Variants in CREB5 observed in about 807,000 individuals in gnomAD.
The protein encoded by CREB5 is cAMP responsive element binding protein 5, also known as cyclic AMP-responsive element-binding protein 5.
In CREB5, 19 loss-of-function variants were observed where a neutral mutation model predicts 57.1. The observed-to-expected ratio is 0.33, with a 90% CI of 0.23 to 0.49. The LOEUF is 0.49. CREB5 is among the 20% of genes least tolerant of loss of function. The pLI is 0.99. For synonymous variants in CREB5, 238 were observed against 238.3 expected (o/e 1.00, Z 0.01); for missense variants, 579 against 671.6 (o/e 0.86, Z 1.52).
At chr7:28,748,328 G>T (rs914285742) in intron 7 of CREB5, among the ~76,000 whole-genome samples, 1 of 152,186 alleles carries the variant, frequency 6.6e-6, no homozygotes, top group African/African-American at 2.4e-5. Context: ...GCACATATAT[G>T]TGTAGGACTT....
chr7:28,672,448 A>G (rs746482907), intron 5 of CREB5, among the ~76,000 whole-genome samples: 3 of 145,216 alleles, frequency 2.1e-5, no homozygotes, highest in East Asian at 1.9e-4. Context: ...AGAACTGCAG[A>G]AAAAAAAAAT....
At chr7:28,489,403 C>T (rs536023548) in intron 2 of CREB5, among the ~76,000 whole-genome samples, 9 of 146,998 alleles carry the variant, frequency 6.1e-5, no homozygotes, top group Admixed American at 5.7e-4. Flanking sequence ...GGGTTCATGC[C>T]ATTCTCCTGC....
intron 5 of CREB5, among the ~76,000 whole-genome samples, chr7:28,690,742 TCTC>T (rs1801206356): frequency 6.6e-6 from 1 of 152,106 alleles, no homozygotes; most frequent in Non-Finnish European, 1.5e-5. Context: ...TGGATAGGAT[TCTC>T]CTCGCAGCAG....
At chr7:28,647,908 C>T (rs1798948220) in intron 5 of CREB5, among the ~76,000 whole-genome samples, 1 of 151,676 alleles carries the variant, frequency 6.6e-6, no homozygotes, top group African/African-American at 2.4e-5. Flanking sequence ...TAGTGAGACC[C>T]CCAACTCTAC....
intron 9 of CREB5, among the ~76,000 whole-genome samples, chr7:28,816,964 C>T (rs1235103712): frequency 6.6e-6 from 1 of 152,128 alleles, no homozygotes; most frequent in Non-Finnish European, 1.5e-5. Context: ...GGAAGCATCT[C>T]GGAGCTACCA....
chr7:28,662,710 C>T (rs934159034), intron 5 of CREB5, among the ~76,000 whole-genome samples: 1 of 152,176 alleles, frequency 6.6e-6, no homozygotes, highest in Admixed American at 6.5e-5. Flanking sequence ...CTCTGTTTCT[C>T]TCCCCAGGAA....
chr7:28,332,479 G>T (rs867036284), intron 1 of CREB5, among the ~76,000 whole-genome samples: 1 of 152,118 alleles, frequency 6.6e-6, no homozygotes, highest in African/African-American at 2.4e-5. Flanking sequence ...GGTTACGTTT[G>T]CGTGGTAGAA....
intron 5 of CREB5, among the ~76,000 whole-genome samples, chr7:28,609,443 C>A (rs868164694): frequency 3.3e-5 from 5 of 152,170 alleles, no homozygotes; most frequent in Admixed American, 2.0e-4. Context: ...AAGTGAATGT[C>A]ATCCCTGGAA....
At chr7:28,323,779 T>TTAC (rs1785531188) in intron 1 of CREB5, among the ~76,000 whole-genome samples, 1 of 152,210 alleles carries the variant, frequency 6.6e-6, no homozygotes. Flanking sequence ...TCTATTATTA[T>TTAC]TACACTGTAA....
At chr7:28,461,494 A>G (rs748891881) in intron 1 of CREB5, among the ~76,000 whole-genome samples, 3 of 152,178 alleles carry the variant, frequency 2.0e-5, no homozygotes, top group Non-Finnish European at 2.9e-5. Flanking sequence ...TTTCCTGCAT[A>G]AAAGCCTGTT....
At chr7:28,357,529 A>AT (rs149537013) in intron 1 of CREB5, among the ~76,000 whole-genome samples, 1,576 of 152,098 alleles carry the variant, frequency 0.01, 23 homozygotes, top group African/African-American at 0.036. Context: ...TTAAAGAAAA[A>AT]TTTTTTTCGT....
intron 5 of CREB5, among the ~76,000 whole-genome samples, chr7:28,672,802 T>C (rs1011543059): frequency 6.6e-6 from 1 of 152,228 alleles, no homozygotes; most frequent in Non-Finnish European, 1.5e-5. Context: ...TCTCCCTAGT[T>C]CAGTTTTTTC....
At chr7:28,613,449 G>T (rs1022855449) in intron 5 of CREB5, among the ~76,000 whole-genome samples, 8 of 152,112 alleles carry the variant, frequency 5.3e-5, no homozygotes, top group Admixed American at 3.3e-4. Context: ...TCCTCTTTAC[G>T]ACTTATGACT....
At chr7:28,319,498 G>A (rs1785449592) in intron 1 of CREB5, among the ~76,000 whole-genome samples, 2 of 152,162 alleles carry the variant, frequency 1.3e-5, no homozygotes. Context: ...CTGAACAAAA[G>A]ATAAAGAGGA....
At chr7:28,530,211 C>T (rs1431288588) in intron 4 of CREB5, among the ~76,000 whole-genome samples, 5 of 152,198 alleles carry the variant, frequency 3.3e-5, no homozygotes, top group South Asian at 4.1e-4. Context: ...TCACAGGCTC[C>T]GGATCCAGGC....
intron 4 of CREB5, among the ~76,000 whole-genome samples, chr7:28,520,969 CAG>C (rs978815197): frequency 2.0e-5 from 3 of 152,160 alleles, no homozygotes; most frequent in African/African-American, 7.2e-5. Context: ...TCTAATAAGA[CAG>C]GGTTTTTTTC....
intron 6 of CREB5, among the ~76,000 whole-genome samples, chr7:28,719,844 G>A (rs1802917156): frequency 2.0e-5 from 3 of 152,130 alleles, no homozygotes; most frequent in Admixed American, 6.5e-5. Flanking sequence ...GGTAGATCAT[G>A]AGGTCAAGAG....
chr7:28,423,213 T>A (rs1788348798), intron 1 of CREB5, among the ~76,000 whole-genome samples: 1 of 152,208 alleles, frequency 6.6e-6, no homozygotes, highest in South Asian at 2.1e-4. Context: ...AAGCAACTCC[T>A]TTCCAACACA....
chr7:28,463,223 T>C (rs1040920117), intron 1 of CREB5, among the ~76,000 whole-genome samples: 1 of 152,144 alleles, frequency 6.6e-6, no homozygotes, highest in African/African-American at 2.4e-5. Context: ...GCATCCTTCT[T>C]GAAAATCTAT....
Sources: allele counts gnomAD v4.1 joint callset (sites outside exome capture counted in the v4.1 genomes callset), GRCh38; gene constraint gnomAD v4.1.1; transcripts MANE v1.5; gene names NCBI Gene and HGNC (gene_info 2026-07-23, HGNC 2026-07-21).